The following IGFBP1 variants were observed in gnomAD, a reference collection of about 807,000 sequenced individuals.
The protein encoded by IGFBP1 is insulin like growth factor binding protein 1.
IGFBP1 carries 31 observed loss-of-function variants against 23.1 expected under a neutral mutation model. The ratio of observed to expected loss-of-function variants is 1.34; its 90% CI spans 1.01 to 1.81. IGFBP1 has a LOEUF of 1.81. Among genes scored for constraint, IGFBP1 ranks in the 40% most tolerant of loss-of-function variants. IGFBP1 has a pLI of 0.00. For missense variants in IGFBP1, 333 were observed against 342.2 expected (o/e 0.97, Z 0.21); for synonymous variants, 148 against 145.5 (o/e 1.02, Z -0.13).
intron 3 of IGFBP1, 107 bp downstream of exon 3, chr7:45,892,167 C>A: frequency 1.6e-6 from 2 of 1,227,228 alleles, no homozygotes; most frequent in Non-Finnish European, 2.3e-6. Flanking sequence ...CCAAAGTAGA[C>A]ACCAGAAGTG....
intron 2 of IGFBP1, among the ~76,000 whole-genome samples, chr7:45,891,276 T>C (rs1787075960): frequency 6.6e-6 from 1 of 152,218 alleles, no homozygotes; most frequent in Non-Finnish European, 1.5e-5. Context: ...TGTTTTGAAT[T>C]CTACCACTTG....
chr7:45,891,839 C>A, intron 2 of IGFBP1, 93 bp from the exon 3 acceptor site: 1 of 1,331,202 alleles, frequency 7.5e-7, no homozygotes, highest in Non-Finnish European at 1.0e-6. Context: ...TAGGGCCACT[C>A]CTGCTTCTAC....
In IGFBP1 at chr7:45,888,979, C is replaced by T; in HGVS notation, c.327C>T (p.Asp109=). Reference sequence around the variant, plus strand: ...AAGGCGCCTGCGTGCAGGAGTCTGACGCCTCCGCTCCCCATGCTGCAGGTA... The same window carrying T: ...AAGGCGCCTGCGTGCAGGAGTCTGATGCCTCCGCTCCCCATGCTGCAGGTA... ...RGQGACVQES[D]ASAPHAAEAG... is the part of the protein sequence containing the mutation. The change falls in exon 1 of 4, where the codon GAC becomes GAT. Residue 109 remains aspartate (D), a synonymous_variant. Coordinates refer to ENST00000275525, the MANE Select transcript of IGFBP1 (RefSeq NM_000596.4). 6.6e-7 allele frequency: 1 copy of T among 1,518,838 alleles called. No homozygotes were observed. Among genetic ancestry groups the T allele is most frequent in the Non-Finnish European group, 8.8e-7 (1 of 1,140,092 alleles). The allele number at this position is 1,518,838 out of a possible 1,614,324, so 94.1% of individuals were successfully genotyped here.
At position 45,893,184 on chromosome 7, in the gene IGFBP1, G is replaced by A. The variant is rs1036570215; in HGVS notation, c.*93G>A. On this transcript the variant is annotated 3_prime_UTR_variant, in exon 4 of 4. Coordinates refer to ENST00000275525, the MANE Select transcript of IGFBP1 (RefSeq NM_000596.4). The stretch of plus-strand genomic sequence containing the variant: ...TGCACATTTATATATATATGTATAT[G>A]TATATATATATAGTAACTACTTTTT... 30 of 540,600 alleles carry A rather than the reference G, an allele frequency of 5.5e-5. No individual in the cohort carries two copies. The highest frequency in any genetic ancestry group is 6.7e-5 in the Non-Finnish European group (24 of 358,370). 33.5% of individuals were successfully genotyped at this position (540,600 alleles called of 1,614,324 possible). A position where few individuals can be genotyped will look rare whatever the true frequency, so the allele number is the denominator to read the frequency against.
chr7:45,893,519 A>G lies in IGFBP1; in HGVS notation c.*428A>G, dbSNP rs1050617167. 1.3e-5 allele frequency: 2 copies of G among 152,356 alleles called. No individual in the cohort carries two copies. Among genetic ancestry groups the G allele is most frequent in the African/African-American group, 4.8e-5 (2 of 41,466 alleles). 9.4% of individuals were successfully genotyped at this position (152,356 alleles called of 1,614,324 possible). A position where few individuals can be genotyped will look rare whatever the true frequency, so the allele number is the denominator to read the frequency against. ...ATTCCACCATTCACATTTGATGTAC[A>G]TGTGTAGGGAAAGTTAAAAGTGTTG... On this transcript the variant is annotated 3_prime_UTR_variant, in exon 4 of 4. Transcript: ENST00000275525.
In IGFBP1 at chr7:45,888,629, CCT is replaced by C. The variant is rs772637342; in HGVS notation, c.-23_-22del. 4.4e-6 allele frequency: 7 copies of C among 1,577,496 alleles called. No individual in the cohort carries two copies. In the Admixed American group the frequency reaches 5.2e-5, roughly 12 times the overall value. On this transcript the variant is annotated 5_prime_UTR_variant, in exon 1 of 4. Transcript: ENST00000275525. The stretch of plus-strand genomic sequence containing the variant: ...GCCACCAGCCCAGAGAGCATCGGCC[CCT>C]GTCTGCTGCTCGCGCCTGGAGATGT...
rs1257343430 is a variant in IGFBP1, at chr7:45,893,004, C to T, written c.693C>T (p.Val231=). The T allele has an allele frequency of 1.2e-6, 2 of 1,613,214 alleles. No homozygotes were observed. The highest frequency in any genetic ancestry group is 1.1e-5 in the South Asian group (1 of 91,036). Residue 231 remains valine, a synonymous_variant, in exon 4 of 4, where the codon GTC becomes GTT. Transcript: ENST00000275525. ...MDGEAGLCWC[V]YPWNGKRIPG... ...GAGAGGCGGGACTCTGCTGGTGCGT[C>T]TACCCTTGGAATGGGAAGAGGATCC...
chr7:45,891,452 A>G (rs9658211), intron 2 of IGFBP1, among the ~76,000 whole-genome samples: 64 of 152,370 alleles, frequency 4.2e-4, no homozygotes, highest in African/African-American at 1.4e-3. Context: ...AAATTATCCA[A>G]ATGAATGCCT....
chr7:45,890,184 G>A (rs999193039), intron 1 of IGFBP1, among the ~76,000 whole-genome samples: 6 of 152,184 alleles, frequency 3.9e-5, no homozygotes, highest in Admixed American at 1.3e-4. Context: ...AGGTTTCGAG[G>A]CTCCCTACTA....
chr7:45,889,667 T>C (rs1309832624), intron 1 of IGFBP1, among the ~76,000 whole-genome samples: 2 of 152,202 alleles, frequency 1.3e-5, no homozygotes, highest in African/African-American at 2.4e-5. Flanking sequence ...GGCATTTGTT[T>C]GTAGCGGGAA....
At chr7:45,889,237 G>A (rs1482980637) in intron 1 of IGFBP1, among the ~76,000 whole-genome samples, 1 of 152,236 alleles carries the variant, frequency 6.6e-6, no homozygotes, top group Non-Finnish European at 1.5e-5. Context: ...ATGTTCCAGG[G>A]CACACATAGC....
At chr7:45,892,381 C>T (rs1228612159) in intron 3 of IGFBP1, among the ~76,000 whole-genome samples, 1 of 152,208 alleles carries the variant, frequency 6.6e-6, no homozygotes, top group Non-Finnish European at 1.5e-5. Flanking sequence ...ATCTTGGGTT[C>T]CTCACCTATA....
Position 45,888,894 on chromosome 7 carries a change from G to A in IGFBP1, c.242G>A (p.Gly81Glu), listed in dbSNP as rs781252053. 12 of 1,502,186 alleles carry A rather than the reference G, an allele frequency of 8.0e-6. No homozygotes were observed. The highest frequency in any genetic ancestry group is 9.7e-6 in the Non-Finnish European group (11 of 1,136,526). The allele number at this position is 1,502,186 out of a possible 1,614,324, so 93.1% of individuals were successfully genotyped here. ...CGVATARCAR[G>E]LSCRALPGEQ... ...GTGGCGACTGCACGCTGCGCCCGGG[G>A]ACTCAGTTGCCGCGCGCTGCCGGGG... Residue 81 changes from glycine (G) to glutamate (E), a missense_variant, in exon 1 of 4, where the codon GGA becomes GAA. Transcript: ENST00000275525.
Position 45,888,775 on chromosome 7 carries a change from C to A in IGFBP1, c.123C>A (p.Cys41Ter). Residue 41 changes from cysteine to a stop codon, truncating the protein, a stop_gained, in exon 1 of 4, where the codon TGC becomes TGA. Transcript: ENST00000275525. LOFTEE classifies it high-confidence loss of function. ...APCSAEKLAL[C>*]PPVSASCSEV... ...GCTCCGCCGAGAAGCTCGCGCTCTG[C>A]CCGCCGGTGTCCGCCTCGTGCTCGG... 1 of 1,577,878 alleles carries A rather than the reference C, an allele frequency of 6.3e-7. No individual in the cohort carries two copies. Among genetic ancestry groups the A allele is most frequent in the Non-Finnish European group, 8.5e-7 (1 of 1,170,820 alleles).
Position 45,888,959 on chromosome 7 carries a change from G to C in IGFBP1, c.307G>C (p.Ala103Pro), listed in dbSNP as rs759968281. ...GCACGCCCTCACCCGCGGCCAAGGC[G>C]CCTGCGTGCAGGAGTCTGACGCCTC... ...PLHALTRGQG[A>P]CVQESDASAP... The change falls in exon 1 of 4, where the codon GCC becomes CCC. Residue 103 changes from alanine (A) to proline (P), a missense_variant. Ala to Pro is a conservative substitution (Grantham distance 27, BLOSUM62 -1). Coordinates refer to ENST00000275525, the MANE Select transcript of IGFBP1 (RefSeq NM_000596.4). 2 of 1,520,638 alleles carry C rather than the reference G, an allele frequency of 1.3e-6. No homozygotes were observed. Among genetic ancestry groups the C allele is most frequent in the African/African-American group, 2.8e-5 (2 of 70,216 alleles). 94.2% of individuals were successfully genotyped at this position (1,520,638 alleles called of 1,614,324 possible).
At chr7:45,889,039 G>GCCCGCCCCCGCCCGGCACCT (rs1787034254) in intron 1 of IGFBP1, 38 bp downstream of exon 1, 2 of 1,411,978 alleles carry the variant, frequency 1.4e-6, no homozygotes, top group African/African-American at 1.5e-5. Flanking sequence ...ACCTCCTGCC[G>GCCCGCCCCCGCCCGGCACCT]CCCGCCCCCG....
intron 1 of IGFBP1, 32 bp downstream of exon 1, chr7:45,889,033 C>G: frequency 6.9e-7 from 1 of 1,454,520 alleles, no homozygotes; most frequent in African/African-American, 1.5e-5. Context: ...TCCAGCACCT[C>G]CTGCCGCCCG....
At chr7:45,891,367 G>A (rs1466747080) in intron 2 of IGFBP1, among the ~76,000 whole-genome samples, 1 of 152,142 alleles carries the variant, frequency 6.6e-6, no homozygotes, top group African/African-American at 2.4e-5. Flanking sequence ...CCAGAAAAAG[G>A]GAGGATTAAA....
chr7:45,893,210 A>G lies in IGFBP1; in HGVS notation c.*119A>G. The G allele has an allele frequency of 2.4e-6, 1 of 411,756 alleles. No homozygotes were observed. Among genetic ancestry groups the G allele is most frequent in the Admixed American group, 4.5e-5 (1 of 22,398 alleles). The allele number at this position is 411,756 out of a possible 1,614,324, so 25.5% of individuals were successfully genotyped here. On this transcript the variant is annotated 3_prime_UTR_variant, in exon 4 of 4. Coordinates refer to ENST00000275525, the MANE Select transcript of IGFBP1 (RefSeq NM_000596.4). ...TATATATATATAGTAACTACTTTTT[A>G]TACTCCATACATAACTTGATATAGA...
Sources: gnomAD v4.1 joint callset for allele counts (sites outside exome capture counted in the v4.1 genomes callset) on GRCh38, gnomAD v4.1.1 for gene constraint, MANE v1.5 for transcripts, NCBI Gene and HGNC (gene_info 2026-07-23, HGNC 2026-07-21) for gene names.